RGS7: variants seen among roughly 807,000 people sequenced by gnomAD.
RGS7 encodes regulator of G-protein signaling 7.
In RGS7, 27 loss-of-function variants were observed where a neutral mutation model predicts 81.1. The observed-to-expected ratio is 0.33, with a 90% CI of 0.25 to 0.46. The LOEUF (loss-of-function observed/expected upper bound fraction) is 0.46. Ranked by LOEUF, RGS7 falls within the 20% of genes least tolerant of loss-of-function variation. The pLI is 1.00. For missense variants in RGS7, 396 were observed against 607.4 expected, an observed-to-expected ratio of 0.65 and a Z score of 3.66; for synonymous variants, 208 against 207.7, an observed-to-expected ratio of 1.00 and a Z score of -0.01.
chr1:240,959,295 G>A (rs1055953037), intron 4 of RGS7, among the ~76,000 whole-genome samples: 7 of 152,234 alleles, frequency 4.6e-5, no homozygotes, highest in East Asian at 3.9e-4. Flanking sequence ...ATGCATCTTC[G>A]GTGATTTCAT....
chr1:241,105,107 C>T (rs2065018819), intron 2 of RGS7, among the ~76,000 whole-genome samples: 1 of 152,164 alleles, frequency 6.6e-6, no homozygotes, highest in African/African-American at 2.4e-5. Context: ...ACTCTTATCC[C>T]TCTTATTTTT....
chr1:241,046,346 A>G lies in RGS7; in HGVS notation c.175+52320T>C, dbSNP rs778816667. Among the ~76,000 whole-genome samples the G allele has an allele frequency of 4.3e-4, 60 of 138,634 alleles. 1 individual carries two copies. In the Middle Eastern group the frequency reaches 0.011, roughly 26 times the overall value. The allele number at this position is 138,634 out of a possible 152,430, so 90.9% of individuals were successfully genotyped here. On this transcript the variant is annotated intron_variant, in intron 3 of 18. Coordinates refer to ENST00000440928, the MANE Select transcript of RGS7 (RefSeq NM_001364886.1). ...GTCATCCCCAATGTCTGTTGTTCCC[A>G]TCTTTATGTCCATGTGTACTTAATG... is the stretch of plus-strand genomic sequence containing the variant.
At chr1:241,180,506 T>C (rs2071528186) in intron 2 of RGS7, among the ~76,000 whole-genome samples, 1 of 152,218 alleles carries the variant, frequency 6.6e-6, no homozygotes, top group African/African-American at 2.4e-5. Context: ...TAGACTATTT[T>C]ATGTGAGAAA....
At chr1:240,835,502 T>C (rs904848435) in intron 9 of RGS7, among the ~76,000 whole-genome samples, 1 of 152,270 alleles carries the variant, frequency 6.6e-6, no homozygotes, top group African/African-American at 2.4e-5. Flanking sequence ...GAATGCAAAA[T>C]GGTTCAGCCA....
At chr1:240,847,877 T>A (rs955537793) in intron 9 of RGS7, among the ~76,000 whole-genome samples, 3 of 151,968 alleles carry the variant, frequency 2.0e-5, no homozygotes, top group Non-Finnish European at 4.4e-5. Context: ...CATGACCAAG[T>A]AGGGTTTATT....
intron 6 of RGS7, among the ~76,000 whole-genome samples, chr1:240,925,771 T>C (rs758625469): frequency 6.6e-6 from 1 of 152,212 alleles, no homozygotes; most frequent in African/African-American, 2.4e-5. Flanking sequence ...GTTTTCTCCA[T>C]AGCCTTGTCA....
chr1:240,899,585 TTTTC>T (rs1225049942), intron 6 of RGS7, among the ~76,000 whole-genome samples: 1 of 152,208 alleles, frequency 6.6e-6, no homozygotes, highest in Admixed American at 6.5e-5. Context: ...TTGAAAATTC[TTTTC>T]TTTAAGAATG....
chr1:240,804,461 C>CA (rs547221973), intron 15 of RGS7, among the ~76,000 whole-genome samples: 30 of 150,890 alleles, frequency 2.0e-4, no homozygotes, highest in South Asian at 1.5e-3. Context: ...TTAAAAACCA[C>CA]AAAAAAAACT....
intron 5 of RGS7, among the ~76,000 whole-genome samples, chr1:240,931,736 T>A (rs189317552): frequency 3.3e-5 from 5 of 152,218 alleles, no homozygotes; most frequent in Admixed American, 6.5e-5. Context: ...CAATCTGCAA[T>A]AGGCAGAATC....
intron 3 of RGS7, among the ~76,000 whole-genome samples, chr1:241,091,162 G>T (rs867090576): frequency 1.3e-5 from 2 of 152,044 alleles, no homozygotes; most frequent in African/African-American, 4.8e-5. Flanking sequence ...GGAATAAAAC[G>T]AATGTATTTA....
intron 2 of RGS7, among the ~76,000 whole-genome samples, chr1:241,137,743 T>C (rs1572852949): frequency 6.6e-6 from 1 of 152,224 alleles, no homozygotes; most frequent in East Asian, 1.9e-4. Flanking sequence ...GGAGTATCTA[T>C]ACCAAAGCAA....
At chr1:241,258,900 C>T (rs1270482698) in intron 2 of RGS7, among the ~76,000 whole-genome samples, 1 of 152,120 alleles carries the variant, frequency 6.6e-6, no homozygotes, top group African/African-American at 2.4e-5. Context: ...AGACAATCAG[C>T]CTAAAAGTTA....
chr1:240,823,094 A>G, intron 10 of RGS7: 1 of 884,970 alleles, frequency 1.1e-6, no homozygotes, highest in South Asian at 1.3e-5. Context: ...GAAATAAGTG[A>G]GTCTAAAGAA....
intron 2 of RGS7, among the ~76,000 whole-genome samples, chr1:241,136,251 TCA>T (rs1417211411): frequency 7.9e-5 from 12 of 152,318 alleles, no homozygotes; most frequent in Non-Finnish European, 1.3e-4. Flanking sequence ...GCTAAGCTCC[TCA>T]TTACTTCAGG....
In RGS7 at chr1:241,141,704, C is replaced by G. The variant is rs116167274; in HGVS notation, c.79-42942G>C. 3.9e-5 allele frequency among the ~76,000 whole-genome samples: 6 copies of G among 152,252 alleles called. No individual in the cohort carries two copies. The East Asian group carries it at 1.2e-3, about 29-fold the overall frequency. ...ACCTCCCATAGGGTCCCTCACACCA[C>G]GTGGGAATTATGGGAACTACAATTC... On this transcript the variant is annotated intron_variant, in intron 2 of 18. Transcript: ENST00000440928.
intron 2 of RGS7, among the ~76,000 whole-genome samples, chr1:241,114,984 G>C (rs1346353592): frequency 6.6e-6 from 1 of 152,098 alleles, no homozygotes; most frequent in Non-Finnish European, 1.5e-5. Context: ...CTATCACATT[G>C]TCTAAGATGG....
intron 2 of RGS7, among the ~76,000 whole-genome samples, chr1:241,156,569 G>A (rs1159458271): frequency 7.0e-6 from 1 of 142,728 alleles, no homozygotes; most frequent in African/African-American, 2.6e-5. Context: ...GGAAGGAAAG[G>A]GAAAGGGGAG....
At chr1:241,247,115 C>G (rs1007663401) in intron 2 of RGS7, among the ~76,000 whole-genome samples, 1 of 152,056 alleles carries the variant, frequency 6.6e-6, no homozygotes, top group Non-Finnish European at 1.5e-5. Context: ...ATGAGACACA[C>G]CTGGCACATT....
At chr1:240,853,703 C>A (rs1660519218) in intron 9 of RGS7, among the ~76,000 whole-genome samples, 1 of 151,906 alleles carries the variant, frequency 6.6e-6, no homozygotes, top group Non-Finnish European at 1.5e-5. Flanking sequence ...CAGGAGGAGA[C>A]CATACGGGCT....
Sources: gnomAD v4.1 joint callset for allele counts (sites outside exome capture counted in the v4.1 genomes callset) on GRCh38, gnomAD v4.1.1 for gene constraint, MANE v1.5 for transcripts, NCBI Gene and HGNC (gene_info 2026-07-23, HGNC 2026-07-21) for gene names.